Variants in NMRAL1 observed in about 807,000 individuals in gnomAD.
NMRAL1 encodes NmrA like redox sensor 1, also known as nmrA-like family domain-containing protein 1.
Under a neutral mutation model 27.5 loss-of-function variants are expected in NMRAL1, and 32 were observed. The observed-to-expected ratio is 1.16, with a 90% confidence interval of 0.88 to 1.56. NMRAL1 has a LOEUF of 1.56. Among genes scored for constraint, NMRAL1 ranks in the 40% most tolerant of loss-of-function variants. The pLI is 0.00. For synonymous variants in NMRAL1, 166 were observed against 166.8 expected, an observed-to-expected ratio of 1.00 and a Z score of 0.04; for missense variants, 420 against 392.0, an observed-to-expected ratio of 1.07 and a Z score of -0.60.
chr16:4,465,078 ATT>A (rs911718635), intron 4 of NMRAL1, among the ~76,000 whole-genome samples: 1 of 150,752 alleles, frequency 6.6e-6, no homozygotes, highest in African/African-American at 2.4e-5. Context: ...AGGCTGGCTA[ATT>A]TTTGTATTTT....
At chr16:4,464,613 T>G (rs1462074634) in intron 4 of NMRAL1, among the ~76,000 whole-genome samples, 2 of 124,868 alleles carry the variant, frequency 1.6e-5, no homozygotes, top group African/African-American at 7.5e-5. Context: ...GACTGCAGGT[T>G]TTTTTTTTTT....
At position 4,474,579 on chromosome 16, in the gene NMRAL1, C is replaced by A; in HGVS notation, c.-60G>T. On this transcript the variant is annotated 5_prime_UTR_variant, in exon 1 of 6. Coordinates refer to ENST00000283429, the MANE Select transcript of NMRAL1 (RefSeq NM_020677.6). ...CTGGCAGAGCGCCGCTCACGGAAGC[C>A]CAGCGTCGGAGGACCCCTGGCTGCA... 6.3e-6 allele frequency: 1 copy of A among 158,218 alleles called. No individual in the cohort carries two copies. Among genetic ancestry groups the A allele is most frequent in the Non-Finnish European group, 1.4e-5 (1 of 71,574 alleles). 9.8% of individuals were successfully genotyped at this position (158,218 alleles called of 1,614,324 possible). A position where few individuals can be genotyped will look rare whatever the true frequency, so the allele number is the denominator to read the frequency against.
chr16:4,475,913 T>G (rs1200751980), upstream of NMRAL1: 1 of 152,228 alleles, frequency 6.6e-6, no homozygotes, highest in Non-Finnish European at 1.5e-5. Context: ...CACTCCAGCC[T>G]GGGCGACGAG....
At chr16:4,474,062 T>TC in intron 2 of NMRAL1, 31 bp downstream of exon 2, 2 of 1,592,512 alleles carry the variant, frequency 1.3e-6, no homozygotes, top group Middle Eastern at 1.7e-4. Flanking sequence ...GCCCTGGCTC[T>TC]GCAAGGGCCC....
chr16:4,466,341 A>G lies in NMRAL1; in HGVS notation c.341T>C (p.Leu114Pro). The change falls in exon 4 of 6, where the codon CTG (leucine) becomes CCG (proline). Residue 114 changes from leucine (L) to proline (P), a missense_variant. By Grantham distance (98) the Leu-to-Pro change is moderately conservative (BLOSUM62 -3). Transcript: ENST00000283429. ...LGLHYVVYSG[L>P]ENIKKLTAGR... ...TGCCGTCAGCTTCTTGATGTTCTCC[A>G]GGCCGCTGTAGACCACATAGTGGAG... is the stretch of plus-strand genomic sequence containing the variant. The G allele has an allele frequency of 1.2e-6, 2 of 1,613,822 alleles. No homozygotes were observed. Among genetic ancestry groups the G allele is most frequent in the Non-Finnish European group, 8.5e-7 (1 of 1,180,026 alleles).
chr16:4,474,249 C>T, intron 1 of NMRAL1, 83 bp from the exon 2 acceptor site: 1 of 1,006,986 alleles, frequency 9.9e-7, no homozygotes, highest in Non-Finnish European at 1.5e-6. Context: ...ATTGTCTATG[C>T]ATCGAGTATG....
intron 2 of NMRAL1, among the ~76,000 whole-genome samples, chr16:4,473,229 A>G (rs1166206153): frequency 1.3e-5 from 2 of 152,056 alleles, no homozygotes; most frequent in Non-Finnish European, 2.9e-5. Flanking sequence ...TGGTCCAACT[A>G]AAGTGCTGGG....
At chr16:4,468,973 TAA>T (rs34547583) in intron 3 of NMRAL1, among the ~76,000 whole-genome samples, 3 of 144,618 alleles carry the variant, frequency 2.1e-5, no homozygotes, top group Middle Eastern at 3.3e-3. Context: ...CATTTTTGAT[TAA>T]AAAAAAAAAA....
chr16:4,474,093 C>A lies in NMRAL1; in HGVS notation c.40G>T (p.Gly14Cys), dbSNP rs1373181460. 2 of 1,611,960 alleles carry A rather than the reference C, an allele frequency of 1.2e-6. No individual in the cohort carries two copies. Among genetic ancestry groups the A allele is most frequent in the South Asian group, 2.2e-5 (2 of 90,576 alleles). The change falls in exon 2 of 6, where the codon GGT becomes TGT. Residue 14 changes from glycine to cysteine, a missense_variant and splice_region_variant. Coordinates refer to ENST00000283429, the MANE Select transcript of NMRAL1 (RefSeq NM_020677.6). The stretch of plus-strand genomic sequence containing the variant: ...GGCCCCAGTCTGGGGTTTGGCTCAC[C>A]TGTGCCTCCGAAAACCACCACCAGT... ...KKLVVVFGGTGAQGGSVARTL... is the reference protein window; with the variant it reads ...KKLVVVFGGTCAQGGSVARTL...
At chr16:4,475,230 G>A (rs999723599), upstream of NMRAL1, among the ~76,000 whole-genome samples, 1 of 152,124 alleles carries the variant, frequency 6.6e-6, no homozygotes, top group African/African-American at 2.4e-5. Flanking sequence ...TGGGAGTACA[G>A]GTGGGAGCCA....
intron 4 of NMRAL1, among the ~76,000 whole-genome samples, chr16:4,464,523 G>A (rs1596384371): frequency 7.7e-6 from 1 of 129,352 alleles, no homozygotes; most frequent in Non-Finnish European, 1.6e-5. Flanking sequence ...CCTAGAGACA[G>A]GGGCCAGTGC....
chr16:4,468,503 C>G (rs545976112), intron 3 of NMRAL1, among the ~76,000 whole-genome samples: 49 of 151,884 alleles, frequency 3.2e-4, no homozygotes, highest in African/African-American at 1.1e-3. Flanking sequence ...ATAATCCCAG[C>G]TACTCGGGAG....
chr16:4,469,340 G>A lies in NMRAL1; in HGVS notation c.166C>T (p.Gln56Ter), dbSNP rs767996310. 7 of 1,613,878 alleles carry A rather than the reference G, an allele frequency of 4.3e-6. No homozygotes were observed. Among genetic ancestry groups the A allele is most frequent in the Non-Finnish European group, 5.1e-6 (6 of 1,179,850 alleles). ...ELRLQGAEVV[Q>*]GDQDDQVIME... ...ATGACCTGGTCATCTTGGTCTCCCT[G>A]CACTACTTCTGCACCTTGCAGCCTC... is the stretch of plus-strand genomic sequence containing the variant. Residue 56 changes from glutamine to a stop codon, truncating the protein, a stop_gained, in exon 3 of 6, where the codon CAG (glutamine) becomes TAG (stop). Transcript: ENST00000283429. LOFTEE classifies it high-confidence loss of function.
intron 3 of NMRAL1, among the ~76,000 whole-genome samples, chr16:4,467,943 T>C (rs1346252933): frequency 6.6e-6 from 1 of 151,834 alleles, no homozygotes; most frequent in Non-Finnish European, 1.5e-5. Context: ...TTAAGCCACG[T>C]GGATTGTGGT....
rs544224879 is a variant in NMRAL1 at position 4,469,084 on chromosome 16, T to C, written c.279+143A>G. 1.1e-5 allele frequency: 7 copies of C among 658,548 alleles called. No homozygotes were observed. In the South Asian group the frequency reaches 1.2e-4, roughly 12 times the overall value. The allele number at this position is 658,548 out of a possible 1,614,324, so 40.8% of individuals were successfully genotyped here. On this transcript the variant is annotated intron_variant, in intron 3 of 5. Transcript: ENST00000283429. ...GGATGAGAAAGCAACAGCGTCCACC[T>C]GCTTCACAGCCTAGAGCAGGCAGAG...
In NMRAL1 at chr16:4,466,799, C is replaced by T. The variant is rs116033859; in HGVS notation, c.280-397G>A. 9.2e-3 allele frequency: 2,056 copies of T among 222,992 alleles called. 49 individuals carry two copies. Among genetic ancestry groups the T allele is most frequent in the African/African-American group, 0.044 (1,956 of 44,214 alleles). The allele number at this position is 222,992 out of a possible 1,614,324, so 13.8% of individuals were successfully genotyped here. A position where few individuals can be genotyped will look rare whatever the true frequency, so the allele number is the denominator to read the frequency against. On this transcript the variant is annotated intron_variant, in intron 3 of 5. Coordinates refer to ENST00000283429, the MANE Select transcript of NMRAL1 (RefSeq NM_020677.6). ...GGCTATACAGAGGCACCACAGCTGC[C>T]TAGGTTCAAATCAGGCTCTGCCATG...
At chr16:4,473,412 CTG>C (rs1238221057) in intron 2 of NMRAL1, among the ~76,000 whole-genome samples, 1 of 151,826 alleles carries the variant, frequency 6.6e-6, no homozygotes, top group East Asian at 1.9e-4. Flanking sequence ...CTCAATAAAG[CTG>C]TTAGAGATAT....
At chr16:4,473,184 G>C (rs1272948007) in intron 2 of NMRAL1, among the ~76,000 whole-genome samples, 1 of 151,884 alleles carries the variant, frequency 6.6e-6, no homozygotes, top group East Asian at 1.9e-4. Context: ...GTTCAGGCTG[G>C]TCTCAAACAC....
At chr16:4,468,615 CA>C (rs59245472) in intron 3 of NMRAL1, among the ~76,000 whole-genome samples, 64 of 128,254 alleles carry the variant, frequency 5.0e-4, no homozygotes, top group East Asian at 1.1e-3. Flanking sequence ...GACTCAGTCT[CA>C]AAAAAAAAAA....
Sources: gnomAD v4.1 joint callset for allele counts (sites outside exome capture counted in the v4.1 genomes callset) on GRCh38, gnomAD v4.1.1 for gene constraint, MANE v1.5 for transcripts, NCBI Gene and HGNC (gene_info 2026-07-23, HGNC 2026-07-21) for gene names.